ZNF333: variants seen among roughly 807,000 people sequenced by gnomAD.
The protein encoded by ZNF333 is zinc finger protein 333.
A neutral mutation model predicts 76.1 loss-of-function variants in ZNF333; 61 were observed. The observed-to-expected ratio is 0.80, with a 90% CI of 0.65 to 0.99. The LOEUF (loss-of-function observed/expected upper bound fraction) is 0.99. ZNF333 is among the 50% of genes least tolerant of loss of function. The pLI, the probability that ZNF333 is intolerant of heterozygous loss-of-function variation, is 0.00. For missense variants in ZNF333, 717 were observed against 822.4 expected (o/e 0.87, Z 1.57); for synonymous variants, 284 against 305.0 (o/e 0.93, Z 0.72).
intron 11 of ZNF333, among the ~76,000 whole-genome samples, chr19:14,730,195 C>T (rs753152325): frequency 2.6e-5 from 4 of 152,144 alleles, no homozygotes; most frequent in Non-Finnish European, 5.9e-5. Flanking sequence ...GCTGGGATTA[C>T]AGGTGCCCGT....
At chr19:14,694,417 G>C (rs943435774) in intron 2 of ZNF333, among the ~76,000 whole-genome samples, 3 of 151,872 alleles carry the variant, frequency 2.0e-5, no homozygotes, top group Non-Finnish European at 4.4e-5. Flanking sequence ...AGGTTGCAGT[G>C]AGCCGAGATG....
downstream of ZNF333, among the ~76,000 whole-genome samples, chr19:14,722,915 AGCTGGGACTACAG>A (rs2042607505): frequency 6.6e-6 from 1 of 152,200 alleles, no homozygotes; most frequent in South Asian, 2.1e-4. Context: ...CCTCCTGAGT[AGCTGGGACTACAG>A]GCGCATACCA....
chr19:14,695,725 G>A, intron 4 of ZNF333, 64 bp downstream of exon 4: 1 of 1,457,924 alleles, frequency 6.9e-7, no homozygotes, highest in Non-Finnish European at 9.6e-7. Flanking sequence ...CTTGGGAAGT[G>A]TCAAGAGCAT....
At position 14,715,018 on chromosome 19, in the gene ZNF333, G is replaced by A. The variant is rs1382434778; in HGVS notation, c.512-364G>A. 8 of 180,138 alleles carry A rather than the reference G, an allele frequency of 4.4e-5. No homozygotes were observed. In the South Asian group the frequency reaches 6.9e-4, roughly 16 times the overall value. The allele number at this position is 180,138 out of a possible 1,614,324, so 11.2% of individuals were successfully genotyped here. A position where few individuals can be genotyped will look rare whatever the true frequency, so the allele number is the denominator to read the frequency against. ...TGAATTATGGAGTCTATGGCTCTTG[G>A]GATATGGAATGAAGGCGTGCGTGTG... On this transcript the variant is annotated intron_variant, in intron 7 of 11. Coordinates refer to ENST00000292530, the MANE Select transcript of ZNF333 (RefSeq NM_032433.4).
At position 14,719,306 on chromosome 19, in the gene ZNF333, G is replaced by C; in HGVS notation, c.1979G>C (p.Cys660Ser). ...CCTTTATCCATGTCTCATCCATACT[G>C]TGGGCCCCTTGCTAATTAACTTCCA... ...SLPLSMSHPY[C>S]GPLAN Residue 660 changes from cysteine (C) to serine (S), a missense_variant, in exon 12 of 12, where the codon TGT becomes TCT. Cys to Ser is a moderately radical substitution (Grantham distance 112, BLOSUM62 -1). Transcript: ENST00000292530. The C allele has an allele frequency of 6.2e-7, 1 of 1,602,576 alleles. No individual in the cohort carries two copies. The highest frequency in any genetic ancestry group is 8.5e-7 in the Non-Finnish European group (1 of 1,174,956).
intron 7 of ZNF333, among the ~76,000 whole-genome samples, chr19:14,707,549 CTTTTTTTT>C (rs751633025): frequency 8.6e-6 from 1 of 115,676 alleles, no homozygotes; most frequent in Non-Finnish European, 1.7e-5. Flanking sequence ...AGCTTTGTTT[CTTTTTTTT>C]TTTTTTTTTT....
At chr19:14,724,475 G>T (rs1247047540), downstream of ZNF333, among the ~76,000 whole-genome samples, 6 of 152,146 alleles carry the variant, frequency 3.9e-5, no homozygotes, top group Non-Finnish European at 5.9e-5. Context: ...CCATTAAAAA[G>T]TTTGTTTAAG....
rs147332855 is a variant in ZNF333, at chr19:14,718,533, C to T, written c.1206C>T (p.Ala402=). ...TTGACTGTCAAGAATGTGGGCAAGCCTTCAAATATTCCTCGAATCTCCGGC... is the reference window on the plus strand; with the variant it reads ...TTGACTGTCAAGAATGTGGGCAAGCTTTCAAATATTCCTCGAATCTCCGGC... ...KCFDCQECGQ[A]FKYSSNLRRH... Residue 402 remains alanine, a synonymous_variant, in exon 12 of 12, where the codon GCC becomes GCT. Coordinates refer to ENST00000292530, the MANE Select transcript of ZNF333 (RefSeq NM_032433.4). 1.6e-3 allele frequency: 2,600 copies of T among 1,614,180 alleles called. 11 individuals are homozygous for T. The highest frequency in any genetic ancestry group is 1.5e-3 in the Non-Finnish European group (1,803 of 1,180,038).
chr19:14,708,000 T>A (rs937084367), intron 7 of ZNF333: 5 of 400,294 alleles, frequency 1.2e-5, no homozygotes, highest in African/African-American at 8.2e-5. Flanking sequence ...TTTTGTTACT[T>A]CTTCTTTTTT....
chr19:14,718,493 C>T lies in ZNF333; in HGVS notation c.1166C>T (p.Thr389Ile), dbSNP rs1463160658. The change falls in exon 12 of 12, where the codon ACT (threonine) becomes ATT (isoleucine). Residue 389 changes from threonine (T) to isoleucine (I), a missense_variant. Physicochemically the swap from Thr to Ile is moderately conservative, Grantham distance 89. Coordinates refer to ENST00000292530, the MANE Select transcript of ZNF333 (RefSeq NM_032433.4). ...SDLIRHEKTH[T>I]AEKCFDCQEC... ...CTTATCAGGCATGAGAAGACTCATA[C>T]TGCAGAGAAGTGCTTTGACTGTCAA... 3.7e-6 allele frequency: 6 copies of T among 1,614,240 alleles called. No homozygotes were observed. The highest frequency in any genetic ancestry group is 5.1e-6 in the Non-Finnish European group (6 of 1,180,048).
rs1972921347 is a variant in ZNF333 at position 14,693,462 on chromosome 19, A to G, written c.-30A>G. ...CTCCTTTATTGCAGGGAGAACACCGACTGAGACCTCAAACCCTGGCTCCAG... is the reference window on the plus strand; with the variant it reads ...CTCCTTTATTGCAGGGAGAACACCGGCTGAGACCTCAAACCCTGGCTCCAG... On this transcript the variant is annotated 5_prime_UTR_variant, in exon 2 of 12. Transcript: ENST00000292530. The G allele has an allele frequency of 6.2e-7, 1 of 1,600,188 alleles. No homozygotes were observed. Among genetic ancestry groups the G allele is most frequent in the Middle Eastern group, 1.7e-4 (1 of 5,946 alleles).
chr19:14,706,631 G>A, intron 6 of ZNF333, 55 bp from the exon 7 acceptor site: 1 of 1,401,068 alleles, frequency 7.1e-7, no homozygotes, highest in Non-Finnish European at 1.0e-6. Context: ...GAGCAGGTGT[G>A]AGTGGCCCCC....
rs1292822028 is a variant in ZNF333, at chr19:14,695,148, A to G, written c.127+15A>G. The stretch of plus-strand genomic sequence containing the variant: ...GGCCTCCAGGGGTAAGGCTGGCGTC[A>G]CCTGGCTCCTTCCTGTACGCAGGCA... On this transcript the variant is annotated intron_variant, in intron 3 of 11. Transcript: ENST00000292530. 1.2e-6 allele frequency: 2 copies of G among 1,611,214 alleles called. No homozygotes were observed. Among genetic ancestry groups the G allele is most frequent in the African/African-American group, 2.7e-5 (2 of 74,852 alleles).
intron 11 of ZNF333, among the ~76,000 whole-genome samples, chr19:14,727,721 T>C (rs138128895): frequency 6.6e-6 from 1 of 151,774 alleles, no homozygotes; most frequent in East Asian, 1.9e-4. Flanking sequence ...TAACCAAATA[T>C]CTGAGGCAGT....
At chr19:14,701,608 A>G (rs111773105) in intron 5 of ZNF333, 5 of 985,218 alleles carry the variant, frequency 5.1e-6, no homozygotes, top group Non-Finnish European at 6.0e-6. Flanking sequence ...AAGAAAGGAG[A>G]GAGGGAGGGA....
chr19:14,724,839 T>G (rs1025139189), downstream of ZNF333, among the ~76,000 whole-genome samples: 2 of 152,196 alleles, frequency 1.3e-5, no homozygotes, highest in Admixed American at 6.5e-5. Context: ...CTTACACATG[T>G]GCATTAATTC....
At position 14,719,816 on chromosome 19, in the gene ZNF333, A is replaced by C. The variant is rs2042550078; in HGVS notation, c.*491A>C. 6 of 986,630 alleles carry C rather than the reference A, an allele frequency of 6.1e-6. No homozygotes were observed. In the Admixed American group the frequency reaches 3.7e-4, roughly 60 times the overall value. The allele number at this position is 986,630 out of a possible 1,614,324, so 61.1% of individuals were successfully genotyped here. The stretch of plus-strand genomic sequence containing the variant: ...GGTGTGGCTTATTCTTCTAGCTGCC[A>C]ACCCAAATTACCCCTTCCTCCTTAG... On this transcript the variant is annotated 3_prime_UTR_variant, in exon 12 of 12. Transcript: ENST00000292530.
At position 14,716,995 on chromosome 19, in the gene ZNF333, T is replaced by C; in HGVS notation, c.729T>C (p.Ala243=). Residue 243 remains alanine (A), a splice_region_variant and synonymous_variant, in exon 10 of 12, where the codon GCT becomes GCC. Coordinates refer to ENST00000292530, the MANE Select transcript of ZNF333 (RefSeq NM_032433.4). ...CATGTGTTTTTTTCTCATGAGCAGC[T>C]GATCAACTGTGCAAACCCAATGCGT... ...LENYRNLASV[A]DQLCKPNALS... The C allele has an allele frequency of 3.1e-6, 5 of 1,610,566 alleles. No homozygotes were observed. Among genetic ancestry groups the C allele is most frequent in the Non-Finnish European group, 4.2e-6 (5 of 1,178,064 alleles).
At chr19:14,700,749 C>T (rs1599705719) in intron 5 of ZNF333, among the ~76,000 whole-genome samples, 1 of 152,280 alleles carries the variant, frequency 6.6e-6, no homozygotes, top group Admixed American at 6.5e-5. Context: ...AGCCTCACCC[C>T]CAAGTGGGGC....
Sources: gnomAD v4.1 joint callset for allele counts (sites outside exome capture counted in the v4.1 genomes callset) on GRCh38, gnomAD v4.1.1 for gene constraint, MANE v1.5 for transcripts, NCBI Gene and HGNC (gene_info 2026-07-23, HGNC 2026-07-21) for gene names.